GRID2: variants seen among roughly 807,000 people sequenced by gnomAD.
GRID2 encodes the protein glutamate ionotropic receptor delta type subunit 2.
Under a neutral mutation model 114.8 loss-of-function variants are expected in GRID2, and 33 were observed. That is an observed-to-expected ratio of 0.29 (90% CI 0.22 to 0.38). The LOEUF is 0.38. Among genes scored for constraint, GRID2 ranks in the 10% least tolerant of loss-of-function variants. GRID2 has a pLI of 1.00. For missense variants in GRID2, 1,184 were observed against 1,257.7 expected (o/e 0.94, Z 0.89); for synonymous variants, 505 against 449.9 (o/e 1.12, Z -1.55).
intron 13 of GRID2, among the ~76,000 whole-genome samples, chr4:93,523,159 G>C (rs1416783826): frequency 6.6e-6 from 1 of 152,068 alleles, no homozygotes; most frequent in East Asian, 1.9e-4. Context: ...TGTCCCAGTG[G>C]TATGAGTGTT....
intron 8 of GRID2, among the ~76,000 whole-genome samples, chr4:93,273,914 T>G (rs188031042): frequency 6.6e-6 from 1 of 152,336 alleles, no homozygotes; most frequent in African/African-American, 2.4e-5. Flanking sequence ...TGCAGACACC[T>G]TGATTTTAGC....
Position 92,934,177 on chromosome 4 carries a change from C to T in GRID2, c.245-150818C>T, listed in dbSNP as rs566805720. ...TTCCTACCCATGAGCGTGGAATGTT[C>T]TTCCATTTCTTTGTATCCTCTTTTA... On this transcript the variant is annotated intron_variant, in intron 2 of 15. Transcript: ENST00000282020. Among the ~76,000 whole-genome samples the T allele has an allele frequency of 2.0e-5, 3 of 151,808 alleles. No homozygotes were observed. In the Admixed American group the frequency reaches 2.0e-4, roughly 10 times the overall value.
chr4:93,606,791 A>G (rs921010666), intron 13 of GRID2, among the ~76,000 whole-genome samples: 6 of 152,204 alleles, frequency 3.9e-5, no homozygotes, highest in Non-Finnish European at 7.4e-5. Flanking sequence ...GCATGTAATT[A>G]TGAATACCCT....
intron 2 of GRID2, among the ~76,000 whole-genome samples, chr4:92,878,333 A>C (rs1240682007): frequency 6.6e-6 from 1 of 152,172 alleles, no homozygotes; most frequent in Non-Finnish European, 1.5e-5. Context: ...AGTAGTTTAG[A>C]AAAAGTATTT....
chr4:92,737,330 G>C (rs917131765), intron 2 of GRID2, among the ~76,000 whole-genome samples: 6 of 151,990 alleles, frequency 3.9e-5, no homozygotes, highest in African/African-American at 1.4e-4. Flanking sequence ...ATAGAAGAAA[G>C]GAATCTTATG....
At chr4:92,576,221 T>C (rs1305711701) in intron 1 of GRID2, among the ~76,000 whole-genome samples, 1 of 152,212 alleles carries the variant, frequency 6.6e-6, no homozygotes, top group Admixed American at 6.5e-5. Context: ...GTCCTGCTTA[T>C]GGAAGCACTC....
rs1431046941 is a variant in GRID2 at position 93,779,675 on chromosome 4, G to A, written c.221+10225G>A. ...ATAGAAAAAATACTCTATGAAAAGA[G>A]GAAAAGAATAACATAGGCTGCATGG... On this transcript the variant is annotated intron_variant, in intron 1 of 1. Transcript: ENST00000637838. Among the ~76,000 whole-genome samples, 3 of 152,154 alleles carry A rather than the reference G, an allele frequency of 2.0e-5. No individual in the cohort carries two copies. In the East Asian group the frequency reaches 5.8e-4, roughly 29 times the overall value.
At chr4:92,365,512 A>G (rs1728817788) in intron 1 of GRID2, among the ~76,000 whole-genome samples, 1 of 151,472 alleles carries the variant, frequency 6.6e-6, no homozygotes, top group Non-Finnish European at 1.5e-5. Flanking sequence ...GGTGGTGGTG[A>G]GGGAATGGAA....
chr4:93,481,417 G>A (rs898303901), intron 11 of GRID2, among the ~76,000 whole-genome samples: 1 of 152,042 alleles, frequency 6.6e-6, no homozygotes, highest in Non-Finnish European at 1.5e-5. Flanking sequence ...CCTTAATCTT[G>A]TCCTCAGCAG....
At chr4:92,721,140 C>T (rs1347407082) in intron 2 of GRID2, among the ~76,000 whole-genome samples, 1 of 151,888 alleles carries the variant, frequency 6.6e-6, no homozygotes, top group Non-Finnish European at 1.5e-5. Flanking sequence ...TGGTAGTTGC[C>T]AAGGGTTCAG....
At chr4:92,600,082 A>ATATT (rs1729153698) in intron 2 of GRID2, among the ~76,000 whole-genome samples, 1 of 134,598 alleles carries the variant, frequency 7.4e-6, no homozygotes, top group Non-Finnish European at 1.6e-5. Context: ...ATATATATAT[A>ATATT]TATATATTTC....
chr4:93,528,281 T>C (rs1377161089), intron 13 of GRID2, among the ~76,000 whole-genome samples: 1 of 152,064 alleles, frequency 6.6e-6, no homozygotes, highest in Non-Finnish European at 1.5e-5. Context: ...CTCAATTATC[T>C]TGGGTATATA....
intron 6 of GRID2, among the ~76,000 whole-genome samples, chr4:93,218,807 GA>G (rs1744539071): frequency 6.6e-6 from 1 of 152,156 alleles, no homozygotes; most frequent in South Asian, 2.1e-4. Context: ...GAAGCCTCAG[GA>G]AACTTACATT....
At chr4:92,358,273 G>T (rs777914957) in intron 1 of GRID2, among the ~76,000 whole-genome samples, 2 of 151,958 alleles carry the variant, frequency 1.3e-5, no homozygotes, top group Admixed American at 6.6e-5. Context: ...GAATTACATG[G>T]TTGCATCTGT....
chr4:92,562,879 A>G (rs1035981891), intron 1 of GRID2, among the ~76,000 whole-genome samples: 3 of 152,208 alleles, frequency 2.0e-5, no homozygotes, highest in African/African-American at 7.2e-5. Context: ...CCTGATGCTA[A>G]GAGCTCTCAT....
chr4:93,455,010 G>A (rs1442749101), intron 10 of GRID2, among the ~76,000 whole-genome samples: 2 of 152,006 alleles, frequency 1.3e-5, no homozygotes, highest in Admixed American at 6.6e-5. Flanking sequence ...AATCTAAGAA[G>A]ACACATTAGA....
At chr4:92,338,171 A>G (rs1036609888) in intron 1 of GRID2, among the ~76,000 whole-genome samples, 8 of 152,190 alleles carry the variant, frequency 5.3e-5, no homozygotes, top group African/African-American at 1.9e-4. Flanking sequence ...AAACAAAAGC[A>G]CAATAAGGAA....
chr4:93,297,013 T>C (rs890860353), intron 8 of GRID2, among the ~76,000 whole-genome samples: 9 of 152,206 alleles, frequency 5.9e-5, no homozygotes, highest in African/African-American at 1.9e-4. Context: ...AAAAAACCAA[T>C]TCCCATGTGC....
intron 2 of GRID2, among the ~76,000 whole-genome samples, chr4:92,763,890 C>A (rs181004875): frequency 3.3e-5 from 5 of 152,216 alleles, no homozygotes; most frequent in Non-Finnish European, 7.4e-5. Context: ...AAACAAAGAA[C>A]AGATATAATC....
Sources: gnomAD v4.1 joint callset for allele counts (sites outside exome capture counted in the v4.1 genomes callset) on GRCh38, gnomAD v4.1.1 for gene constraint, MANE v1.5 for transcripts, NCBI Gene and HGNC (gene_info 2026-07-23, HGNC 2026-07-21) for gene names.